RASAL1: variants seen among roughly 807,000 people sequenced by gnomAD.
RASAL1 encodes RAS protein activator like 1.
A neutral mutation model predicts 96.6 loss-of-function variants in RASAL1; 72 were observed. That is an observed-to-expected ratio of 0.75 (90% CI 0.62 to 0.91). The LOEUF (loss-of-function observed/expected upper bound fraction) is 0.91, where lower values mean the gene tolerates loss of function less well. Ranked by LOEUF, RASAL1 falls within the 40% of genes least tolerant of loss-of-function variation. RASAL1 has a pLI of 0.00. For synonymous variants in RASAL1, 405 were observed against 430.4 expected, an observed-to-expected ratio of 0.94 and a Z score of 0.73; for missense variants, 1,016 against 1,072.5, an observed-to-expected ratio of 0.95 and a Z score of 0.74.
Position 113,119,194 on chromosome 12 carries a change from G to T in RASAL1, c.576C>A (p.Ala192=). The change falls in exon 7 of 21, where the codon GCC becomes GCA. Residue 192 remains alanine, a synonymous_variant. Coordinates refer to ENST00000548055, the MANE Select transcript of RASAL1 (RefSeq NM_001301202.2). ...EVLELREMPG[A]PSPLRVELWD... is the part of the protein sequence containing the mutation. Reference sequence around the variant, plus strand: ...AGAGCTCCACCCGCAGTGGGGACGGGGCACCTGGCATCTCCCGCAGCTCCA... The same window carrying T: ...AGAGCTCCACCCGCAGTGGGGACGGTGCACCTGGCATCTCCCGCAGCTCCA... 1.2e-6 allele frequency: 2 copies of T among 1,614,052 alleles called. No homozygotes were observed. The highest frequency in any genetic ancestry group is 3.3e-5 in the Admixed American group (2 of 60,004).
Position 113,129,450 on chromosome 12 carries a change from G to A in RASAL1, c.123-1272C>T, listed in dbSNP as rs566522238. On this transcript the variant is annotated intron_variant, in intron 2 of 20. Coordinates refer to ENST00000548055, the MANE Select transcript of RASAL1 (RefSeq NM_001301202.2). This position sits in a 1 kb window ranked among gnomAD's most constrained non-coding sequence, Gnocchi z 5.0. The stretch of plus-strand genomic sequence containing the variant: ...GAGGTGAGCAGGGGACAGAGCACTC[G>A]GGGCTTTGAAGCACACAGTGAGCAG... Among the ~76,000 whole-genome samples the A allele has an allele frequency of 1.2e-4, 19 of 152,252 alleles. No individual in the cohort carries two copies. The highest frequency in any genetic ancestry group is 3.4e-4 in the African/African-American group (14 of 41,540).
At chr12:113,103,816 T>G (rs1355582564) in intron 18 of RASAL1, 130 bp downstream of exon 18, 2 of 1,199,390 alleles carry the variant, frequency 1.7e-6, no homozygotes, top group Non-Finnish European at 2.4e-6. Context: ...CATTTCACAG[T>G]TGAGGAGACT....
Position 113,115,489 on chromosome 12 carries a change from A to C in RASAL1, c.1003+146T>G. 1.6e-6 allele frequency: 2 copies of C among 1,213,980 alleles called. No individual in the cohort carries two copies. The highest frequency in any genetic ancestry group is 1.5e-5 in the South Asian group (1 of 65,034). 75.2% of individuals were successfully genotyped at this position (1,213,980 alleles called of 1,614,324 possible). On this transcript the variant is annotated intron_variant, in intron 10 of 20. Coordinates refer to ENST00000548055, the MANE Select transcript of RASAL1 (RefSeq NM_001301202.2). This position sits in a 1 kb window ranked among gnomAD's most constrained non-coding sequence, Gnocchi z 4.1. ...GGCCTGAACCTGCAATTGGGCTCCCAACTGTCTGGAGGTGCACAGCACAGG... is the reference window on the plus strand; with the variant it reads ...GGCCTGAACCTGCAATTGGGCTCCCCACTGTCTGGAGGTGCACAGCACAGG...
intron 8 of RASAL1, 45 bp downstream of exon 8, chr12:113,117,028 C>G: frequency 6.9e-7 from 1 of 1,452,678 alleles, no homozygotes; most frequent in Non-Finnish European, 9.4e-7. Context: ...GGATGCTGCC[C>G]GGCATGGCTC....
chr12:113,126,725 C>A (rs1284542627), intron 4 of RASAL1, among the ~76,000 whole-genome samples: 1 of 150,056 alleles, frequency 6.7e-6, no homozygotes, highest in Non-Finnish European at 1.5e-5. Flanking sequence ...CACACACACA[C>A]ACAAAAGGCA....
chr12:113,106,133 A>G (rs1404576400), intron 15 of RASAL1, among the ~76,000 whole-genome samples: 1 of 152,204 alleles, frequency 6.6e-6, no homozygotes, highest in Non-Finnish European at 1.5e-5. Context: ...ATCTGCAGAC[A>G]GTATGCAGGC....
intron 5 of RASAL1, 120 bp downstream of exon 5, chr12:113,121,389 C>T (rs757097916): frequency 1.4e-4 from 201 of 1,484,380 alleles, no homozygotes; most frequent in Non-Finnish European, 1.7e-4. Context: ...GGGAACCTGA[C>T]TGCCAGCCCA....
intron 8 of RASAL1, 83 bp from the exon 9 acceptor site, chr12:113,116,134 C>T: frequency 8.6e-7 from 1 of 1,163,722 alleles, no homozygotes; most frequent in Non-Finnish European, 1.2e-6. Flanking sequence ...TTTTGGGAGG[C>T]CAAGGTGGGC....
intron 7 of RASAL1, 113 bp from the exon 8 acceptor site, chr12:113,117,274 A>G: frequency 1.4e-6 from 1 of 711,078 alleles, no homozygotes; most frequent in Non-Finnish European, 2.1e-6. Flanking sequence ...GAGGGGCAGA[A>G]TGGCCTGCCA....
intron 16 of RASAL1, among the ~76,000 whole-genome samples, chr12:113,105,098 GCTCC>G (rs1950600732): frequency 6.6e-6 from 1 of 152,110 alleles, no homozygotes; most frequent in African/African-American, 2.4e-5. Flanking sequence ...GGAAGCGTGG[GCTCC>G]CTTCTCAGCG....
chr12:113,111,343 T>C (rs1950859435), intron 13 of RASAL1, among the ~76,000 whole-genome samples: 1 of 152,194 alleles, frequency 6.6e-6, no homozygotes, highest in South Asian at 2.1e-4. Context: ...TTGCTGGTTA[T>C]GAGCACAGAC....
intron 4 of RASAL1, among the ~76,000 whole-genome samples, chr12:113,126,977 T>C (rs963203155): frequency 6.8e-6 from 1 of 148,120 alleles, no homozygotes; most frequent in Non-Finnish European, 1.5e-5. Context: ...TGTTATATGT[T>C]TATATTTATT....
Position 113,117,167 on chromosome 12 carries a change from G to A in RASAL1, c.643-6C>T. 1.3e-6 allele frequency: 2 copies of A among 1,582,204 alleles called. No individual in the cohort carries two copies. The highest frequency in any genetic ancestry group is 1.7e-5 in the Admixed American group (1 of 58,902). On this transcript the variant is annotated splice_region_variant and splice_polypyrimidine_tract_variant and intron_variant, in intron 7 of 20. Coordinates refer to ENST00000548055, the MANE Select transcript of RASAL1 (RefSeq NM_001301202.2). Reference sequence around the variant, plus strand: ...GTCTTTGGAGAGAACTCCACCTTTTGAGAGAGACACACAGACCCTCAGCCG... The same window carrying A: ...GTCTTTGGAGAGAACTCCACCTTTTAAGAGAGACACACAGACCCTCAGCCG...
rs763711177 is a variant in RASAL1, at chr12:113,107,164, G to A, written c.1590C>T (p.Phe530=). 31 of 1,613,830 alleles carry A rather than the reference G, an allele frequency of 1.9e-5. 1 individual carries two copies. In the Admixed American group the frequency reaches 5.2e-4, roughly 27 times the overall value. The change falls in exon 15 of 21, where the codon TTC becomes TTT. Residue 530 remains phenylalanine, a synonymous_variant. Transcript: ENST00000548055. ...TCACACGTGAGACACACTGCAGCAG[G>A]AAGGGGTGCAGGGGGGCCATCCACA... The part of the protein sequence containing the change: ...KELWMAPLHP[F]LLQCVSRVRD...
At position 113,115,011 on chromosome 12, in the gene RASAL1, G is replaced by A. The variant is rs1485335480; in HGVS notation, c.1069-99C>T. On this transcript the variant is annotated intron_variant, in intron 11 of 20. Transcript: ENST00000548055. This position sits in a 1 kb window ranked among gnomAD's most constrained non-coding sequence, Gnocchi z 4.1. ...GGGACCATGCAGGAAGAGGTTCAGA[G>A]AGAGGCCAGGGCTGGGGTAGGGGAC... The A allele has an allele frequency of 8.7e-7, 1 of 1,147,754 alleles. No homozygotes were observed. Among genetic ancestry groups the A allele is most frequent in the African/African-American group, 1.5e-5 (1 of 65,658 alleles). The allele number at this position is 1,147,754 out of a possible 1,614,324, so 71.1% of individuals were successfully genotyped here.
rs1404916957 is a variant in RASAL1, at chr12:113,135,098, C to A, written c.65+300G>T. Among the ~76,000 whole-genome samples, 2 of 151,642 alleles carry A rather than the reference C, an allele frequency of 1.3e-5. No individual in the cohort carries two copies. The highest frequency in any genetic ancestry group is 4.2e-4 in the South Asian group (2 of 4,770). Reference sequence around the variant, plus strand: ...CCCTCCCAGATCTGACAGAATATGGCCCTCTAATCCCCTCTTCAGCTCTGG... The same window carrying A: ...CCCTCCCAGATCTGACAGAATATGGACCTCTAATCCCCTCTTCAGCTCTGG... On this transcript the variant is annotated intron_variant, in intron 1 of 20. Transcript: ENST00000548055. This position sits in a 1 kb window ranked among gnomAD's most constrained non-coding sequence, Gnocchi z 5.7.
In RASAL1 at chr12:113,115,356, C is replaced by A; in HGVS notation, c.1004-92G>T. 1.6e-6 allele frequency: 2 copies of A among 1,290,018 alleles called. No homozygotes were observed. Among genetic ancestry groups the A allele is most frequent in the Non-Finnish European group, 2.3e-6 (2 of 887,516 alleles). The allele number at this position is 1,290,018 out of a possible 1,614,324, so 79.9% of individuals were successfully genotyped here. ...AAGGTGGGAGTCATGATTCTTCCAG[C>A]CCCAAGAATCAGGAAGACCCAAAAC... On this transcript the variant is annotated intron_variant, in intron 10 of 20. Transcript: ENST00000548055. The surrounding 1 kb of genome is among the most constrained non-coding windows in gnomAD (Gnocchi z 4.1).
upstream of RASAL1, among the ~76,000 whole-genome samples, chr12:113,136,438 C>T (rs1029794134): frequency 3.9e-5 from 6 of 152,210 alleles, no homozygotes; most frequent in African/African-American, 1.4e-4. Flanking sequence ...TCCAGATGTG[C>T]ACTACACACT....
At chr12:113,128,570 T>C (rs916585248) in intron 2 of RASAL1, among the ~76,000 whole-genome samples, 1 of 150,846 alleles carries the variant, frequency 6.6e-6, no homozygotes, top group Non-Finnish European at 1.5e-5. Flanking sequence ...AGGGCCCCAA[T>C]ACACATCTAA....
Sources: allele counts gnomAD v4.1 joint callset (sites outside exome capture counted in the v4.1 genomes callset), GRCh38; gene constraint gnomAD v4.1.1; non-coding constraint Gnocchi (gnomAD v3.1); transcripts MANE v1.5; gene names NCBI Gene and HGNC (gene_info 2026-07-23, HGNC 2026-07-21).